The following PCNT variants were observed in gnomAD, a reference collection of about 807,000 sequenced individuals.
PCNT encodes pericentrin, also known as kendrin.
Under a neutral mutation model 380.4 loss-of-function variants are expected in PCNT, and 319 were observed. The ratio of observed to expected loss-of-function variants is 0.84; its 90% confidence interval spans 0.77 to 0.92. PCNT has a LOEUF of 0.92. Among genes scored for constraint, PCNT ranks in the 40% least tolerant of loss-of-function variants. The pLI, the probability that PCNT is intolerant of heterozygous loss-of-function variation, is 0.00. For synonymous variants in PCNT, 1,845 were observed against 1,735.2 expected (o/e 1.06, Z -1.57); for missense variants, 4,400 against 4,255.3 (o/e 1.03, Z -0.95).
intron 15 of PCNT, among the ~76,000 whole-genome samples, chr21:46,368,228 A>G (rs868163936): frequency 2.6e-5 from 4 of 152,002 alleles, no homozygotes; most frequent in Non-Finnish European, 4.4e-5. Context: ...GGCAGATCAC[A>G]AGGTCAGGTG....
chr21:46,427,974 C>T (rs1465152861), intron 34 of PCNT, among the ~76,000 whole-genome samples, 179 bp downstream of exon 34: 1 of 152,352 alleles, frequency 6.6e-6, no homozygotes, highest in East Asian at 1.9e-4. Context: ...CTGCACTTTT[C>T]CACCTGCAGC....
chr21:46,429,261 G>T (rs1257793077), intron 35 of PCNT, among the ~76,000 whole-genome samples: 2 of 144,386 alleles, frequency 1.4e-5, no homozygotes, highest in African/African-American at 5.1e-5. Context: ...TGGGGCTGGC[G>T]CTGTGCAAGC....
intron 24 of PCNT, 28 bp from the exon 25 acceptor site, chr21:46,399,562 A>C: frequency 6.6e-7 from 1 of 1,524,260 alleles, no homozygotes; most frequent in African/African-American, 1.4e-5. Flanking sequence ...ATTCTATTGT[A>C]TTCCTCAAGC....
intron 29 of PCNT, among the ~76,000 whole-genome samples, chr21:46,413,633 G>A (rs577710054): frequency 5.3e-5 from 8 of 152,254 alleles, no homozygotes; most frequent in Non-Finnish European, 1.2e-4. Context: ...GGTTAGTCCT[G>A]GTTTGTCTTT....
chr21:46,379,488 T>C (rs2085442295), intron 15 of PCNT, among the ~76,000 whole-genome samples: 1 of 152,204 alleles, frequency 6.6e-6, no homozygotes, highest in African/African-American at 2.4e-5. Context: ...GTGGGGATTA[T>C]TATTTTTATT....
At chr21:46,418,973 TC>T (rs896915044) in intron 31 of PCNT, among the ~76,000 whole-genome samples, 1 of 152,228 alleles carries the variant, frequency 6.6e-6, no homozygotes, top group African/African-American at 2.4e-5. Context: ...AGTATTCTCT[TC>T]CCTCTCATGC....
chr21:46,371,490 G>T (rs887335981), intron 15 of PCNT, among the ~76,000 whole-genome samples: 1 of 152,192 alleles, frequency 6.6e-6, no homozygotes, highest in African/African-American at 2.4e-5. Context: ...CACCTGGCCA[G>T]TGTAGTTACT....
rs1380660060 is a variant in PCNT at position 46,347,002 on chromosome 21, C to G, written c.976+4C>G. ...CTCAGGTGTGGACAGGAAGCAGGTA[C>G]TGCATGGCTAGGCGGGCACGGGCAG... On this transcript the variant is annotated splice_donor_region_variant and intron_variant, in intron 5 of 46. Transcript: ENST00000359568. The G allele has an allele frequency of 1.6e-5, 26 of 1,593,578 alleles. No homozygotes were observed. Among genetic ancestry groups the G allele is most frequent in the Non-Finnish European group, 2.1e-5 (25 of 1,172,722 alleles).
rs780964420 is a variant in PCNT at position 46,363,563 on chromosome 21, A to G, written c.2238A>G (p.Gln746=). The G allele has an allele frequency of 3.1e-6, 5 of 1,613,928 alleles. No homozygotes were observed. In the African/African-American group the frequency reaches 6.7e-5, roughly 22 times the overall value. ...QKTELMKQEF[Q]RKETDWKVMK... is the part of the protein sequence containing the mutation. Reference sequence around the variant, plus strand: ...CTGAGCTGATGAAACAGGAATTCCAAAGAAAAGAAACGGACTGGAAAGTTA... The same window carrying G: ...CTGAGCTGATGAAACAGGAATTCCAGAGAAAAGAAACGGACTGGAAAGTTA... Residue 746 remains glutamine (Q), a synonymous_variant, in exon 14 of 47, where the codon CAA becomes CAG. Coordinates refer to ENST00000359568, the MANE Select transcript of PCNT (RefSeq NM_006031.6).
intron 35 of PCNT, among the ~76,000 whole-genome samples, chr21:46,429,044 T>G (rs1305664558): frequency 6.6e-6 from 1 of 152,200 alleles, no homozygotes; most frequent in African/African-American, 2.4e-5. Flanking sequence ...CTCTTAGTTT[T>G]GGGGGCAGGA....
chr21:46,364,709 G>T (rs979461845), intron 14 of PCNT, among the ~76,000 whole-genome samples: 2 of 152,178 alleles, frequency 1.3e-5, no homozygotes, highest in Non-Finnish European at 2.9e-5. Flanking sequence ...TCAGTCCCAG[G>T]GCTGTGCCGT....
At chr21:46,393,438 C>T (rs2086102321) in intron 21 of PCNT, among the ~76,000 whole-genome samples, 1 of 152,074 alleles carries the variant, frequency 6.6e-6, no homozygotes, top group Admixed American at 6.5e-5. Context: ...CTCTGCTTGT[C>T]CTCTGCTGTC....
At chr21:46,370,028 C>T (rs773323676) in intron 15 of PCNT, among the ~76,000 whole-genome samples, 1 of 152,212 alleles carries the variant, frequency 6.6e-6, no homozygotes, top group Admixed American at 6.5e-5. Flanking sequence ...TGAGCAGCTC[C>T]ACGTGTGTGG....
intron 2 of PCNT, among the ~76,000 whole-genome samples, chr21:46,331,437 T>G (rs1022525084): frequency 3.3e-5 from 5 of 152,226 alleles, no homozygotes; most frequent in Admixed American, 6.5e-5. Context: ...TCGGCTCTGT[T>G]GCCTTACAAT....
In PCNT at chr21:46,432,061, A is replaced by C. The variant is rs746824811; in HGVS notation, c.8597A>C (p.Glu2866Ala). 6.2e-7 allele frequency: 1 copy of C among 1,614,040 alleles called. No individual in the cohort carries two copies. Among genetic ancestry groups the C allele is most frequent in the Non-Finnish European group, 8.5e-7 (1 of 1,180,042 alleles). ...ELRCSLERER[E>A]KPAWLQAELE... ...AGATGCTCTCTGGAGAGAGAGAGGG[A>C]GAAACCAGCGTGGTTGCAGGCAGAA... The change falls in exon 38 of 47, where the codon GAG becomes GCG. Residue 2866 changes from glutamate to alanine, a missense_variant. By Grantham distance (107) the Glu-to-Ala change is moderately radical. Transcript: ENST00000359568.
intron 21 of PCNT, 131 bp from the exon 22 acceptor site, chr21:46,397,134 G>A (rs991846428): frequency 7.2e-5 from 54 of 753,848 alleles, no homozygotes; most frequent in South Asian, 3.7e-4. Flanking sequence ...AAAGATGGGC[G>A]TTTTACCCCG....
chr21:46,336,173 C>T (rs1181838652), intron 3 of PCNT, among the ~76,000 whole-genome samples: 1 of 152,138 alleles, frequency 6.6e-6, no homozygotes, highest in Non-Finnish European at 1.5e-5. Context: ...GAAGGGGTTT[C>T]ATCATATTGG....
chr21:46,435,077 C>T (rs933493010), intron 38 of PCNT, among the ~76,000 whole-genome samples: 1 of 152,142 alleles, frequency 6.6e-6, no homozygotes, highest in Non-Finnish European at 1.5e-5. Flanking sequence ...CAGCACAGCA[C>T]GAGGGTGTGC....
In PCNT at chr21:46,411,893, C is replaced by T. The variant is rs1379460400; in HGVS notation, c.5820C>T (p.Phe1940=). The T allele has an allele frequency of 3.2e-6, 5 of 1,578,892 alleles. No individual in the cohort carries two copies. The highest frequency in any genetic ancestry group is 2.2e-5 in the South Asian group (2 of 88,988). ...SRQLQVLHQR[F]LRCQVELDRR... is the part of the protein sequence containing the mutation. ...AGCTGCAGGTGCTGCACCAGCGGTT[C>T]CTGAGGTGCCAGGTGGAGCTGGACA... Residue 1940 remains phenylalanine, a synonymous_variant, in exon 28 of 47, where the codon TTC becomes TTT. Transcript: ENST00000359568.
Sources: allele counts gnomAD v4.1 joint callset (sites outside exome capture counted in the v4.1 genomes callset), GRCh38; gene constraint gnomAD v4.1.1; transcripts MANE v1.5; gene names NCBI Gene and HGNC (gene_info 2026-07-23, HGNC 2026-07-21).